DISC1: variants seen among roughly 807,000 people sequenced by gnomAD.
DISC1 encodes disrupted in schizophrenia 1 protein.
A neutral mutation model predicts 84.5 loss-of-function variants in DISC1; 57 were observed. The ratio of observed to expected loss-of-function variants is 0.67; its 90% CI spans 0.55 to 0.84. The LOEUF is 0.84. Among genes scored for constraint, DISC1 ranks in the 40% least tolerant of loss-of-function variants. The pLI is 0.00. For missense variants in DISC1, 1,000 were observed against 1,057.8 expected (o/e 0.95, Z 0.76); for synonymous variants, 411 against 415.2 (o/e 0.99, Z 0.12).
At chr1:231,819,141 A>C in intron 9 of DISC1, 6 of 986,110 alleles carry the variant, frequency 6.1e-6, no homozygotes, top group Non-Finnish European at 7.2e-6. Flanking sequence ...GTTCAGTGCA[A>C]ATTGAGATGG....
intron 6 of DISC1, chr1:231,774,949 G>C: frequency 2.8e-6 from 1 of 354,042 alleles, no homozygotes; most frequent in South Asian, 2.1e-5. Context: ...GGTATATTTA[G>C]CCAAATGAAC....
At chr1:231,746,391 G>C (rs2073986284) in intron 3 of DISC1, among the ~76,000 whole-genome samples, 1 of 152,140 alleles carries the variant, frequency 6.6e-6, no homozygotes, top group African/African-American at 2.4e-5. Context: ...TGACTAATAT[G>C]AATAATGCTG....
At chr1:231,946,488 A>G (rs1657236588) in intron 9 of DISC1, among the ~76,000 whole-genome samples, 1 of 152,230 alleles carries the variant, frequency 6.6e-6, no homozygotes, top group Admixed American at 6.5e-5. Flanking sequence ...TTTTATGACA[A>G]ACCCACAGCC....
At chr1:231,972,719 A>G (rs1164698602) in intron 10 of DISC1, among the ~76,000 whole-genome samples, 4 of 152,212 alleles carry the variant, frequency 2.6e-5, no homozygotes, top group African/African-American at 4.8e-5. Flanking sequence ...ACCTCACGAC[A>G]TAGGATTTTA....
intron 3 of DISC1, chr1:231,702,567 A>G: frequency 1.0e-6 from 1 of 985,546 alleles, no homozygotes; most frequent in Non-Finnish European, 1.2e-6. Flanking sequence ...TACATGGCCT[A>G]AAATACCCAA....
At chr1:232,023,810 A>G (rs1669186847) in intron 11 of DISC1, among the ~76,000 whole-genome samples, 1 of 151,812 alleles carries the variant, frequency 6.6e-6, no homozygotes, top group South Asian at 2.1e-4. Context: ...AGTCATATAT[A>G]TTTTCCTGCT....
chr1:231,664,665 T>G (rs556418677), intron 1 of DISC1, among the ~76,000 whole-genome samples: 1 of 152,268 alleles, frequency 6.6e-6, no homozygotes, highest in South Asian at 2.1e-4. Context: ...CCAGTGAGAC[T>G]CACTTTGACC....
At chr1:231,639,485 C>T (rs1251650071) in intron 1 of DISC1, among the ~76,000 whole-genome samples, 2 of 152,168 alleles carry the variant, frequency 1.3e-5, no homozygotes, top group Non-Finnish European at 2.9e-5. Context: ...CCTAGAAGCA[C>T]GGAGGTACAT....
At chr1:231,842,505 A>C (rs897959801) in intron 9 of DISC1, among the ~76,000 whole-genome samples, 6 of 151,952 alleles carry the variant, frequency 3.9e-5, no homozygotes, top group African/African-American at 1.5e-4. Context: ...TCATTTGCCA[A>C]CTCCTATGTA....
Position 231,714,435 on chromosome 1 carries a change from A to G in DISC1, c.1117+12411A>G, listed in dbSNP as rs529931794. On this transcript the variant is annotated intron_variant, in intron 3 of 12. Coordinates refer to ENST00000439617, the MANE Select transcript of DISC1 (RefSeq NM_018662.3). The stretch of plus-strand genomic sequence containing the variant: ...GACTCTTGTCTCACACCTTAAACAA[A>G]GTTTAACTCCAAACTGTGCAATGAT... Among the ~76,000 whole-genome samples the G allele has an allele frequency of 6.6e-5, 10 of 152,322 alleles. No homozygotes were observed. In the South Asian group the frequency reaches 1.7e-3, roughly 25 times the overall value.
At position 231,748,994 on chromosome 1, in the gene DISC1, G is replaced by A. The variant is rs567087533; in HGVS notation, c.1118-932G>A. ...CTGTAGGTGTTTGCTCTGTCAATAG[G>A]AGTTGATGAGGTCCTTCTGTTTATC... is the stretch of plus-strand genomic sequence containing the variant. On this transcript the variant is annotated intron_variant, in intron 3 of 12. Coordinates refer to ENST00000439617, the MANE Select transcript of DISC1 (RefSeq NM_018662.3). Among the ~76,000 whole-genome samples the A allele has an allele frequency of 2.6e-5, 4 of 152,276 alleles. No individual in the cohort carries two copies. The South Asian group carries it at 6.2e-4, about 24-fold the overall frequency.
Position 231,651,149 on chromosome 1 carries a change from G to T in DISC1, c.67+24215G>T, listed in dbSNP as rs1468968004. Among the ~76,000 whole-genome samples, 14 of 152,200 alleles carry T rather than the reference G, an allele frequency of 9.2e-5. No homozygotes were observed. The East Asian group carries it at 2.7e-3, about 29-fold the overall frequency. On this transcript the variant is annotated intron_variant, in intron 1 of 12. Transcript: ENST00000439617. ...TCCTTTGGAGGAGAAGAGGTGCTCT[G>T]GTTTTTAGGATTTTCAGCTTTTCTG...
intron 9 of DISC1, among the ~76,000 whole-genome samples, chr1:231,881,120 G>A (rs1201520734): frequency 6.6e-6 from 1 of 152,116 alleles, no homozygotes; most frequent in Non-Finnish European, 1.5e-5. Flanking sequence ...TATAGGGATG[G>A]TTTCAACACC....
rs1268009229 is a variant in DISC1, at chr1:232,039,864, A to C, written c.*3033A>C. On this transcript the variant is annotated 3_prime_UTR_variant, in exon 13 of 13. Transcript: ENST00000439617. The stretch of plus-strand genomic sequence containing the variant: ...TGACTGGGATGTTTTATGAGAATGT[A>C]AGTGTGATATTATACTGTCTGCCTT... The C allele has an allele frequency of 6.6e-6, 1 of 152,146 alleles. No homozygotes were observed. The highest frequency in any genetic ancestry group is 1.9e-4 in the East Asian group (1 of 5,190). 9.4% of individuals were successfully genotyped at this position (152,146 alleles called of 1,614,324 possible). A position where few individuals can be genotyped will look rare whatever the true frequency, so the allele number is the denominator to read the frequency against.
At chr1:231,678,493 A>G (rs1273320737) in intron 1 of DISC1, among the ~76,000 whole-genome samples, 2 of 152,228 alleles carry the variant, frequency 1.3e-5, no homozygotes, top group Non-Finnish European at 2.9e-5. Context: ...GCATGAGTTC[A>G]TGTTCTCCAA....
intron 11 of DISC1, among the ~76,000 whole-genome samples, chr1:232,013,951 A>G (rs1668253174): frequency 6.6e-6 from 1 of 152,138 alleles, no homozygotes; most frequent in Admixed American, 6.5e-5. Flanking sequence ...GGAGGGCAAG[A>G]GAAGGCAGAG....
At chr1:231,772,753 G>A (rs1340420887) in intron 6 of DISC1, among the ~76,000 whole-genome samples, 6 of 152,162 alleles carry the variant, frequency 3.9e-5, no homozygotes, top group African/African-American at 7.2e-5. Context: ...GTGAACGACT[G>A]TTCTGTCTTC....
intron 6 of DISC1, among the ~76,000 whole-genome samples, chr1:231,790,006 C>A (rs1013772265): frequency 6.6e-6 from 1 of 152,100 alleles, no homozygotes; most frequent in Non-Finnish European, 1.5e-5. Flanking sequence ...TCTCACATAA[C>A]ATTTTCTTAG....
At chr1:231,742,378 G>T (rs565422944) in intron 3 of DISC1, among the ~76,000 whole-genome samples, 1 of 152,322 alleles carries the variant, frequency 6.6e-6, no homozygotes, top group South Asian at 2.1e-4. Context: ...TGAGAGCTGT[G>T]AGAGAGGCTG....
Sources: allele counts gnomAD v4.1 joint callset (sites outside exome capture counted in the v4.1 genomes callset), GRCh38; gene constraint gnomAD v4.1.1; transcripts MANE v1.5; gene names NCBI Gene and HGNC (gene_info 2026-07-23, HGNC 2026-07-21).